The following XPA variants were observed in gnomAD, a reference collection of about 807,000 sequenced individuals.
XPA encodes XPA, DNA damage recognition and repair factor.
In XPA, 27 loss-of-function variants were observed where a neutral mutation model predicts 35.7. The observed-to-expected ratio is 0.76, with a 90% CI of 0.56 to 1.04. XPA has a LOEUF of 1.04. Ranked by LOEUF, XPA falls within the 50% of genes least tolerant of loss-of-function variation. XPA has a pLI of 0.00. For synonymous variants in XPA, 133 were observed against 118.4 expected (o/e 1.12, Z -0.80); for missense variants, 354 against 342.7 (o/e 1.03, Z -0.26).
At chr9:97,686,293 A>G (rs1453284863) in intron 4 of XPA, among the ~76,000 whole-genome samples, 1 of 152,266 alleles carries the variant, frequency 6.6e-6, no homozygotes, top group African/African-American at 2.4e-5. Context: ...TTGTGACTCA[A>G]AGAAACTGGC....
At chr9:97,671,360 G>A (rs180820834), downstream of XPA, 5 of 552,226 alleles carry the variant, frequency 9.1e-6, no homozygotes, top group Admixed American at 3.4e-5. Flanking sequence ...ACTTTTAATT[G>A]CCCTGAAAAG....
intron 5 of XPA, among the ~76,000 whole-genome samples, chr9:97,683,217 CTAAT>C (rs1374410055): frequency 2.0e-5 from 3 of 152,170 alleles, no homozygotes; most frequent in African/African-American, 7.2e-5. Flanking sequence ...TAGTATATAA[CTAAT>C]CTATCACTCT....
chr9:97,665,175 C>T, the XPA span, among the ~76,000 whole-genome samples: 1 of 152,214 alleles, frequency 6.6e-6, no homozygotes, highest in Non-Finnish European at 1.5e-5. Context: ...CAGAAATATA[C>T]TGAATTGTTA....
At chr9:97,683,904 A>G (rs1828624193) in intron 5 of XPA, among the ~76,000 whole-genome samples, 2 of 152,240 alleles carry the variant, frequency 1.3e-5, no homozygotes, top group Non-Finnish European at 2.9e-5. Flanking sequence ...GCAAAATTAT[A>G]TGGATAGGAC....
downstream of XPA, chr9:97,671,744 T>C (rs1338697608): frequency 1.3e-5 from 2 of 152,276 alleles, no homozygotes; most frequent in Non-Finnish European, 2.9e-5. Context: ...GTAGTATCTT[T>C]AAGACATGAC....
At chr9:97,697,096 G>C (rs1829073511) in intron 1 of XPA, 25 bp downstream of exon 1, 3 of 1,522,264 alleles carry the variant, frequency 2.0e-6, no homozygotes, top group African/African-American at 1.4e-5. Flanking sequence ...GAGAGGGAAG[G>C]GGAAAGCGCG....
chr9:97,667,166 AG>A, the XPA span, among the ~76,000 whole-genome samples: 1 of 152,184 alleles, frequency 6.6e-6, no homozygotes, highest in Admixed American at 6.5e-5. Flanking sequence ...GGGAAGTAGC[AG>A]AAGGGAAGAG....
the XPA span, chr9:97,658,520 ACTT>A: frequency 4.7e-5 from 34 of 730,708 alleles, no homozygotes; most frequent in Middle Eastern, 9.6e-4. Flanking sequence ...TTTCCCTTTC[ACTT>A]CTTGGTTGTC....
chr9:97,692,437 CT>C (rs34815957), intron 2 of XPA, among the ~76,000 whole-genome samples: 2 of 152,114 alleles, frequency 1.3e-5, no homozygotes, highest in African/African-American at 4.8e-5. Flanking sequence ...AAAAATCATG[CT>C]TTTTTTGTAG....
In XPA at chr9:97,675,121, T is replaced by C. The variant is rs1195293502; in HGVS notation, c.*318A>G. On this transcript the variant is annotated 3_prime_UTR_variant, in exon 6 of 6. Transcript: ENST00000375128. ...GAACCCTTTTCCCTCTACCCCAATC[T>C]AGGGTTTGCCTTGGTATCTTGTCCT... 1.8e-6 allele frequency: 1 copy of C among 552,374 alleles called. No individual in the cohort carries two copies. Among genetic ancestry groups the C allele is most frequent in the Non-Finnish European group, 3.5e-6 (1 of 289,520 alleles). The allele number at this position is 552,374 out of a possible 1,614,324, so 34.2% of individuals were successfully genotyped here.
chr9:97,675,328 T>G lies in XPA; in HGVS notation c.*111A>C. On this transcript the variant is annotated 3_prime_UTR_variant, in exon 6 of 6. Transcript: ENST00000375128. ...ACTGAAGTATTACTTATACAAGGGTTTCATTCATCTATGAAGATGTTGCTT... is the reference window on the plus strand; with the variant it reads ...ACTGAAGTATTACTTATACAAGGGTGTCATTCATCTATGAAGATGTTGCTT... 1.7e-6 allele frequency: 2 copies of G among 1,171,440 alleles called. No homozygotes were observed. The highest frequency in any genetic ancestry group is 2.4e-6 in the Non-Finnish European group (2 of 830,326). 72.6% of individuals were successfully genotyped at this position (1,171,440 alleles called of 1,614,324 possible). A position where few individuals can be genotyped will look rare whatever the true frequency, so the allele number is the denominator to read the frequency against.
At chr9:97,671,370 G>A, downstream of XPA, 1 of 542,514 alleles carries the variant, frequency 1.8e-6, no homozygotes, top group South Asian at 2.5e-5. Flanking sequence ...GCCCTGAAAA[G>A]CAAATACTTC....
chr9:97,697,231 G>A lies in XPA; in HGVS notation c.62C>T (p.Pro21Leu), dbSNP rs1453891229. ...CTCGATACTCGCCCGCACCGAGGCA[G>A]GCAGCTCCGCGGGTTGCTCTAAAGC... Reference protein sequence around the residue: ...AAALEQPAELPASVRASIERK... With the variant: ...AAALEQPAELLASVRASIERK... The change falls in exon 1 of 6, where the codon CCT becomes CTT. Residue 21 changes from proline to leucine, a missense_variant. Physicochemically the swap from Pro to Leu is moderately conservative, Grantham distance 98. Transcript: ENST00000375128. 3 of 1,601,226 alleles carry A rather than the reference G, an allele frequency of 1.9e-6. No individual in the cohort carries two copies. The highest frequency in any genetic ancestry group is 1.7e-5 in the Admixed American group (1 of 59,942).
intron 2 of XPA, among the ~76,000 whole-genome samples, chr9:97,690,786 G>T (rs1305229544): frequency 6.6e-6 from 1 of 152,210 alleles, no homozygotes; most frequent in South Asian, 2.1e-4. Context: ...GCCTCCCAGA[G>T]TGCTGGGATT....
rs1474275799 is a variant in XPA, at chr9:97,675,219, A to G, written c.*220T>C. 6.1e-6 allele frequency: 4 copies of G among 657,006 alleles called. No homozygotes were observed. Among genetic ancestry groups the G allele is most frequent in the African/African-American group, 5.3e-5 (3 of 56,500 alleles). The allele number at this position is 657,006 out of a possible 1,614,324, so 40.7% of individuals were successfully genotyped here. On this transcript the variant is annotated 3_prime_UTR_variant, in exon 6 of 6. Transcript: ENST00000375128. ...CTCCCATCTCTGTTGTAAGAAGGCA[A>G]TCACAGACATGACATTGTGCACACA...
chr9:97,668,347 G>A, the XPA span, among the ~76,000 whole-genome samples: 3 of 152,184 alleles, frequency 2.0e-5, no homozygotes, highest in Admixed American at 1.3e-4. Flanking sequence ...GATTATTAAA[G>A]CTTTACAGGA....
rs1564036148 is a variant in XPA at position 97,675,487 on chromosome 9, AC to A, written c.773del (p.Arg258LeufsTer11). The A allele has an allele frequency of 6.2e-7, 1 of 1,613,806 alleles. No individual in the cohort carries two copies. The highest frequency in any genetic ancestry group is 8.5e-7 in the Non-Finnish European group (1 of 1,179,758). On this transcript the variant is annotated frameshift_variant, in exon 6 of 6. Transcript: ENST00000375128. LOFTEE classifies it high-confidence loss of function. ...PEENLEDDMYRKTCTMCGHEL... is the reference protein window; with the variant it reads ...PEENLEDDMYXKTCTMCGHEL... The stretch of plus-strand genomic sequence containing the variant: ...CATGGCCACACATAGTACAAGTCTT[AC>A]GGTACATGTCATCTTCTAGGTTTTC...
Position 97,675,415 on chromosome 9 carries a change from A to G in XPA, c.*24T>C, listed in dbSNP as rs1192196293. 3.1e-6 allele frequency: 5 copies of G among 1,606,744 alleles called. No homozygotes were observed. Among genetic ancestry groups the G allele is most frequent in the Non-Finnish European group, 4.2e-6 (5 of 1,177,414 alleles). ...CCTTTATTTAAATATAAAATTCTAT[A>G]AAACAGGTCACTGAACTAAAAAATC... On this transcript the variant is annotated 3_prime_UTR_variant, in exon 6 of 6. Transcript: ENST00000375128.
the XPA span, among the ~76,000 whole-genome samples, chr9:97,669,323 C>G: frequency 1.3e-5 from 2 of 152,136 alleles, no homozygotes; most frequent in South Asian, 4.1e-4. Flanking sequence ...TTTCTGATTA[C>G]TTCGTTAGAA....
Sources: gnomAD v4.1 joint callset for allele counts (sites outside exome capture counted in the v4.1 genomes callset) on GRCh38, gnomAD v4.1.1 for gene constraint, MANE v1.5 for transcripts, NCBI Gene and HGNC (gene_info 2026-07-23, HGNC 2026-07-21) for gene names.